Variants in TAFA1 observed in about 807,000 individuals in gnomAD.
TAFA1 encodes TAFA chemokine like family member 1.
Under a neutral mutation model 18.5 loss-of-function variants are expected in TAFA1, and 4 were observed. That is an observed-to-expected ratio of 0.22 (90% CI 0.11 to 0.49). The LOEUF is 0.49. Ranked by LOEUF, TAFA1 falls within the 20% of genes least tolerant of loss-of-function variation. TAFA1 has a pLI of 0.98. For missense variants in TAFA1, 147 were observed against 169.0 expected, an observed-to-expected ratio of 0.87 and a Z score of 0.72; for synonymous variants, 56 against 55.2, an observed-to-expected ratio of 1.01 and a Z score of -0.06.
At chr3:68,511,631 T>G (rs1334133069) in intron 3 of TAFA1, among the ~76,000 whole-genome samples, 1 of 151,998 alleles carries the variant, frequency 6.6e-6, no homozygotes, top group Non-Finnish European at 1.5e-5. Flanking sequence ...TAGTTTAAAA[T>G]TTTAACATAA....
chr3:68,085,086 A>G lies in TAFA1; in HGVS notation c.118+78342A>G, dbSNP rs114272689. ...ACTTTGGGGTTACAATATAGAAATG[A>G]TAAAATGGACTCACAATAGGATTTC... On this transcript the variant is annotated intron_variant, in intron 2 of 4. Transcript: ENST00000478136. Among the ~76,000 whole-genome samples, 796 of 152,330 alleles carry G rather than the reference A, an allele frequency of 5.2e-3. 4 individuals carry two copies. The highest frequency in any genetic ancestry group is 0.018 in the African/African-American group (752 of 41,586).
At chr3:68,528,478 T>C (rs1299159947) in intron 3 of TAFA1, among the ~76,000 whole-genome samples, 3 of 152,160 alleles carry the variant, frequency 2.0e-5, no homozygotes, top group Non-Finnish European at 4.4e-5. Flanking sequence ...GCAGGGAAGG[T>C]TATCCAATGC....
intron 2 of TAFA1, among the ~76,000 whole-genome samples, chr3:68,150,159 G>A (rs191137551): frequency 1.3e-5 from 2 of 152,306 alleles, no homozygotes; most frequent in African/African-American, 4.8e-5. Flanking sequence ...GTAAACACAT[G>A]CAGCTGCCTT....
At chr3:68,289,265 T>C (rs1428346305) in intron 2 of TAFA1, among the ~76,000 whole-genome samples, 1 of 152,240 alleles carries the variant, frequency 6.6e-6, no homozygotes, top group Non-Finnish European at 1.5e-5. Context: ...GGTTGCACTT[T>C]CACTCTTCTA....
chr3:68,203,402 TG>T (rs1181285650), intron 2 of TAFA1, among the ~76,000 whole-genome samples: 1 of 151,776 alleles, frequency 6.6e-6, no homozygotes, highest in Non-Finnish European at 1.5e-5. Context: ...ATTCCTGACA[TG>T]TCTGTTTCTG....
At chr3:68,435,107 A>G (rs1177600534) in intron 3 of TAFA1, among the ~76,000 whole-genome samples, 1 of 152,124 alleles carries the variant, frequency 6.6e-6, no homozygotes, top group Non-Finnish European at 1.5e-5. Context: ...GTGTTAAATG[A>G]TGGAAGCAGG....
intron 2 of TAFA1, among the ~76,000 whole-genome samples, chr3:68,347,274 C>T (rs1179569874): frequency 3.3e-5 from 5 of 152,208 alleles, no homozygotes; most frequent in African/African-American, 1.2e-4. Flanking sequence ...GATGTTACAA[C>T]ACCTCTTCCC....
intron 2 of TAFA1, among the ~76,000 whole-genome samples, chr3:68,370,472 G>GTA (rs749877780): frequency 0.031 from 1,027 of 32,688 alleles, 11 homozygotes; most frequent in Non-Finnish European, 0.038. Flanking sequence ...GTGTGTGTGT[G>GTA]TATATATATA....
chr3:68,404,722 AG>A (rs2070564365), intron 2 of TAFA1, among the ~76,000 whole-genome samples: 2 of 151,874 alleles, frequency 1.3e-5, no homozygotes, highest in African/African-American at 4.8e-5. Context: ...GCTTGAACCC[AG>A]GAGGCAGAGT....
chr3:68,228,967 G>T (rs1403742164), intron 2 of TAFA1, among the ~76,000 whole-genome samples: 2 of 152,192 alleles, frequency 1.3e-5, no homozygotes, highest in East Asian at 3.8e-4. Context: ...GATTGCTCTT[G>T]AAGAATTCAT....
At chr3:68,071,812 G>T (rs2064758465) in intron 2 of TAFA1, among the ~76,000 whole-genome samples, 1 of 152,122 alleles carries the variant, frequency 6.6e-6, no homozygotes, top group Admixed American at 6.5e-5. Flanking sequence ...ATGGCAGAAG[G>T]CAAAGCGAGG....
In TAFA1 at chr3:68,164,629, A is replaced by ATG. The variant is rs1559543711; in HGVS notation, c.118+157885_118+157886insTG. Among the ~76,000 whole-genome samples, 8 of 41,408 alleles carry ATG rather than the reference A, an allele frequency of 1.9e-4. No individual in the cohort carries two copies. The East Asian group carries it at 2.8e-3, about 15-fold the overall frequency. 27.2% of individuals were successfully genotyped at this position (41,408 alleles called of 152,430 possible). On this transcript the variant is annotated intron_variant, in intron 2 of 4. Coordinates refer to ENST00000478136, the MANE Select transcript of TAFA1 (RefSeq NM_213609.4). ...ATCTACCACATTTGTTCCTTTTGCA[A>ATG]CGTGTGTGTGTGTGTGTGTGTGTGT...
chr3:68,118,812 T>A (rs1377274194), intron 2 of TAFA1, among the ~76,000 whole-genome samples: 3 of 152,240 alleles, frequency 2.0e-5, no homozygotes, highest in Non-Finnish European at 4.4e-5. Context: ...CTGTGCACTA[T>A]TGTGAATAAT....
At chr3:68,525,962 A>G (rs1383188051) in intron 3 of TAFA1, among the ~76,000 whole-genome samples, 19 of 152,104 alleles carry the variant, frequency 1.2e-4, no homozygotes, top group Non-Finnish European at 4.4e-5. Context: ...TGAGTTTTCC[A>G]TGTTCTCAGT....
intron 2 of TAFA1, among the ~76,000 whole-genome samples, chr3:68,353,263 G>A (rs535873536): frequency 2.0e-5 from 3 of 152,204 alleles, no homozygotes; most frequent in Admixed American, 6.5e-5. Flanking sequence ...GACAAACAAG[G>A]AGTCTGTAGC....
chr3:68,522,651 C>A (rs1375111926), intron 3 of TAFA1, among the ~76,000 whole-genome samples: 2 of 152,182 alleles, frequency 1.3e-5, no homozygotes, highest in African/African-American at 2.4e-5. Flanking sequence ...GAGTTCGAGA[C>A]CAGCCTGGCC....
chr3:68,125,855 G>C (rs1250881409), intron 2 of TAFA1, among the ~76,000 whole-genome samples: 1 of 152,040 alleles, frequency 6.6e-6, no homozygotes, highest in African/African-American at 2.4e-5. Context: ...CTGTGTGTAA[G>C]GGCAGCCCCA....
intron 2 of TAFA1, among the ~76,000 whole-genome samples, chr3:68,224,541 T>A (rs1255850641): frequency 6.6e-6 from 1 of 152,140 alleles, no homozygotes; most frequent in Non-Finnish European, 1.5e-5. Context: ...GAGAATTGTG[T>A]TTGTTTCCTG....
At chr3:68,491,240 G>GT (rs957414271) in intron 3 of TAFA1, among the ~76,000 whole-genome samples, 95 of 152,128 alleles carry the variant, frequency 6.2e-4, no homozygotes, top group African/African-American at 2.2e-3. Context: ...ACATGCACAC[G>GT]TATGTTTATT....
Sources: allele counts gnomAD v4.1 joint callset (sites outside exome capture counted in the v4.1 genomes callset), GRCh38; gene constraint gnomAD v4.1.1; transcripts MANE v1.5; gene names NCBI Gene and HGNC (gene_info 2026-07-23, HGNC 2026-07-21).